The following GDF5 variants were observed in gnomAD, a reference collection of about 807,000 sequenced individuals.
GDF5 encodes growth/differentiation factor 5.
GDF5 carries 17 observed loss-of-function variants against 34.6 expected under a neutral mutation model. The ratio of observed to expected loss-of-function variants is 0.49; its 90% CI spans 0.34 to 0.74. The LOEUF (loss-of-function observed/expected upper bound fraction) is 0.74, where lower values mean the gene tolerates loss of function less well. Among genes scored for constraint, GDF5 ranks in the 30% least tolerant of loss-of-function variants. The probability of loss-of-function intolerance (pLI) is 0.01; values close to 1 mark genes in which losing one functional copy is unlikely to be tolerated. For synonymous variants in GDF5, 332 were observed against 290.7 expected (o/e 1.14, Z -1.44); for missense variants, 616 against 661.2 (o/e 0.93, Z 0.75).
intron 1 of GDF5, among the ~76,000 whole-genome samples, chr20:35,449,414 C>T (rs1369574574): frequency 1.3e-5 from 2 of 152,102 alleles, no homozygotes; most frequent in Non-Finnish European, 2.9e-5. Context: ...ATAGTTGGGA[C>T]TACAGTAGTG....
chr20:35,434,604 C>T lies in GDF5; in HGVS notation c.811G>A (p.Gly271Ser), dbSNP rs1188750804. The T allele has an allele frequency of 6.3e-7, 1 of 1,592,238 alleles. No homozygotes were observed. The highest frequency in any genetic ancestry group is 1.7e-5 in the Admixed American group (1 of 57,742). The change falls in exon 2 of 2, where the codon GGC becomes AGC. Residue 271 changes from glycine to serine, a missense_variant. Physicochemically the swap from Gly to Ser is moderately conservative, Grantham distance 56. Coordinates refer to ENST00000374369, the MANE Select transcript of GDF5 (RefSeq NM_000557.5). ...TCCAGCAAGGCGGCCGGCTGCCGGC[C>T]GCTGGGGCAGCTGGACAGCTTCAGC... is the stretch of plus-strand genomic sequence containing the variant. ...AQLKLSSCPSGRQPAALLDVR... is the reference protein window; with the variant it reads ...AQLKLSSCPSSRQPAALLDVR...
rs750476482 is a variant in GDF5, at chr20:35,434,520, G to T, written c.895C>A (p.Leu299Ile). The T allele has an allele frequency of 6.2e-7, 1 of 1,604,718 alleles. No homozygotes were observed. The highest frequency in any genetic ancestry group is 1.1e-5 in the South Asian group (1 of 90,364). ...SGWEVFDIWK[L>I]FRNFKNSAQL... Reference sequence around the variant, plus strand: ...GCCGAGTTCTTAAAGTTTCGGAAGAGCTTCCAGATGTCGAACACCTCCCAG... The same window carrying T: ...GCCGAGTTCTTAAAGTTTCGGAAGATCTTCCAGATGTCGAACACCTCCCAG... Residue 299 changes from leucine (L) to isoleucine (I), a missense_variant, in exon 2 of 2, where the codon CTC becomes ATC. Coordinates refer to ENST00000374369, the MANE Select transcript of GDF5 (RefSeq NM_000557.5).
chr20:35,452,538 T>C (rs934455588), intron 1 of GDF5, among the ~76,000 whole-genome samples: 12 of 152,188 alleles, frequency 7.9e-5, no homozygotes, highest in Non-Finnish European at 4.4e-5. Context: ...TTCTCCTGCC[T>C]CAGCCTCCCG....
rs1368882599 is a variant in GDF5 at position 35,437,430 on chromosome 20, T to TG, written c.498dup (p.Ile167HisfsTer18). The TG allele has an allele frequency of 1.2e-6, 2 of 1,613,292 alleles. No individual in the cohort carries two copies. The highest frequency in any genetic ancestry group is 2.2e-5 in the East Asian group (1 of 44,864). On this transcript the variant is annotated frameshift_variant, in exon 1 of 2. Coordinates refer to ENST00000374369, the MANE Select transcript of GDF5 (RefSeq NM_000557.5). LOFTEE classifies it high-confidence loss of function. ...GAGAGCATGTACTCGTGGGGTGTGA[T>TG]GGGGGGTGGGCGAAACGGCTCCTTG...
In GDF5 at chr20:35,433,817, C is replaced by A. The variant is rs1245924182; in HGVS notation, c.*92G>T. The A allele has an allele frequency of 9.3e-7, 1 of 1,073,228 alleles. No individual in the cohort carries two copies. The highest frequency in any genetic ancestry group is 1.4e-6 in the Non-Finnish European group (1 of 690,922). 66.5% of individuals were successfully genotyped at this position (1,073,228 alleles called of 1,614,324 possible). ...CTTTCACCCAAGCTGTGTAGATGCT[C>A]CTGCCACAGCTTCCTGACCCCTCTG... On this transcript the variant is annotated 3_prime_UTR_variant, in exon 2 of 2. Transcript: ENST00000374369.
intron 1 of GDF5, among the ~76,000 whole-genome samples, chr20:35,449,610 T>C (rs2062524345): frequency 6.6e-6 from 1 of 152,200 alleles, no homozygotes; most frequent in African/African-American, 2.4e-5. Context: ...AGTTCATTTA[T>C]TATTGTTCTT....
chr20:35,439,163 T>C (rs2062488986), upstream of GDF5, among the ~76,000 whole-genome samples: 2 of 151,376 alleles, frequency 1.3e-5, no homozygotes, highest in South Asian at 4.2e-4. Flanking sequence ...TGAGTTTTCT[T>C]AGACAAGACT....
chr20:35,450,954 TC>T (rs921359720), intron 1 of GDF5, among the ~76,000 whole-genome samples: 3 of 150,844 alleles, frequency 2.0e-5, no homozygotes, highest in Non-Finnish European at 4.4e-5. Flanking sequence ...CAGAAATATC[TC>T]CACACAAATT....
chr20:35,448,408 A>AT (rs1319111167), intron 1 of GDF5, among the ~76,000 whole-genome samples: 18 of 142,816 alleles, frequency 1.3e-4, no homozygotes, highest in Non-Finnish European at 1.7e-4. Context: ...AAAAAAAAAA[A>AT]AAAAAATATA....
upstream of GDF5, among the ~76,000 whole-genome samples, chr20:35,442,134 T>G (rs539098297): frequency 1.3e-5 from 2 of 151,958 alleles, no homozygotes; most frequent in African/African-American, 4.8e-5. Flanking sequence ...AATCACCACA[T>G]GTGGCCGAAA....
At chr20:35,444,382 G>T (rs929284565) in intron 1 of GDF5, among the ~76,000 whole-genome samples, 1 of 152,180 alleles carries the variant, frequency 6.6e-6, no homozygotes, top group Non-Finnish European at 1.5e-5. Flanking sequence ...GAGACATACT[G>T]AAGTCTGGAG....
upstream of GDF5, chr20:35,438,358 T>TCACGCA (rs1321844173): frequency 6.3e-6 from 1 of 159,724 alleles, no homozygotes; most frequent in African/African-American, 2.6e-5. Flanking sequence ...TGAAAATACT[T>TCACGCA]CACACACACA....
Position 35,451,049 on chromosome 20 carries a change from AAAAAAAAAAAAAAAAATATATATATATAT to A in GDF5, c.-398+3562_-398+3590del, listed in dbSNP as rs1210764923. Among the ~76,000 whole-genome samples the A allele has an allele frequency of 3.0e-4, 25 of 83,598 alleles. 2 individuals carry two copies. Among genetic ancestry groups the A allele is most frequent in the East Asian group, 9.8e-4 (3 of 3,076 alleles). The allele number at this position is 83,598 out of a possible 152,430, so 54.8% of individuals were successfully genotyped here. On this transcript the variant is annotated intron_variant, in intron 1 of 3. Transcript: ENST00000374372. ...ACAGATTTTAGACTAACAGAAAAAA[AAAAAAAAAAAAAAAAATATATATATATAT>A]ATATATATATATATACACAAATATA...
upstream of GDF5, among the ~76,000 whole-genome samples, chr20:35,442,141 G>A (rs989329191): frequency 6.6e-6 from 1 of 151,906 alleles, no homozygotes; most frequent in African/African-American, 2.4e-5. Flanking sequence ...ACATGTGGCC[G>A]AAAGTAACTT....
At position 35,434,008 on chromosome 20, in the gene GDF5, C is replaced by G; in HGVS notation, c.1407G>C (p.Thr469=). ...ESTPPTCCVP[T]RLSPISILFI... ...AGAGGATGCTGATGGGACTCAGCCG[C>G]GTGGGCACACAGCAGGTGGGTGGTG... The change falls in exon 2 of 2, where the codon ACG becomes ACC. Residue 469 remains threonine (T), a synonymous_variant. Transcript: ENST00000374369. 1.2e-6 allele frequency: 2 copies of G among 1,613,992 alleles called. No individual in the cohort carries two copies. Among genetic ancestry groups the G allele is most frequent in the East Asian group, 4.5e-5 (2 of 44,878 alleles).
At chr20:35,451,064 A>ATAT (rs1266805168) in intron 1 of GDF5, among the ~76,000 whole-genome samples, 6 of 69,116 alleles carry the variant, frequency 8.7e-5, no homozygotes, top group African/African-American at 4.1e-4. Context: ...AAAAAAAAAA[A>ATAT]ATATATATAT....
chr20:35,446,849 G>A (rs2062515593), intron 1 of GDF5, among the ~76,000 whole-genome samples: 1 of 152,058 alleles, frequency 6.6e-6, no homozygotes, highest in African/African-American at 2.4e-5. Context: ...GGAAAGCCCA[G>A]AGTCCCTTCC....
In GDF5 at chr20:35,433,885, C is replaced by G; in HGVS notation, c.*24G>C. On this transcript the variant is annotated 3_prime_UTR_variant, in exon 2 of 2. Transcript: ENST00000374369. ...GAAGGGGCTCTTGGGATGTGCCACC[C>G]AGGAAGACAGAGGGCCAGTGCTGCT... 6.2e-7 allele frequency: 1 copy of G among 1,607,014 alleles called. No homozygotes were observed. Among genetic ancestry groups the G allele is most frequent in the Middle Eastern group, 1.7e-4 (1 of 6,056 alleles).
intron 1 of GDF5, among the ~76,000 whole-genome samples, chr20:35,447,112 G>T (rs1198217339): frequency 1.3e-5 from 2 of 151,908 alleles, no homozygotes; most frequent in African/African-American, 4.8e-5. Context: ...GTGAAGGTTT[G>T]TTACATATGT....
Sources: gnomAD v4.1 joint callset for allele counts (sites outside exome capture counted in the v4.1 genomes callset) on GRCh38, gnomAD v4.1.1 for gene constraint, MANE v1.5 for transcripts, NCBI Gene and HGNC (gene_info 2026-07-23, HGNC 2026-07-21) for gene names.